PRKAR2A: variants seen among roughly 807,000 people sequenced by gnomAD.
PRKAR2A encodes the protein cAMP-dependent protein kinase type II-alpha regulatory subunit.
A neutral mutation model predicts 51.9 loss-of-function variants in PRKAR2A; 29 were observed. The observed-to-expected ratio is 0.56, with a 90% CI of 0.42 to 0.76. The LOEUF (loss-of-function observed/expected upper bound fraction) is 0.76, where lower values mean the gene tolerates loss of function less well. PRKAR2A is among the 30% of genes least tolerant of loss of function. The pLI is 0.00. For synonymous variants in PRKAR2A, 178 were observed against 186.2 expected, an observed-to-expected ratio of 0.96 and a Z score of 0.36; for missense variants, 445 against 512.1, an observed-to-expected ratio of 0.87 and a Z score of 1.26.
intron 5 of PRKAR2A, among the ~76,000 whole-genome samples, chr3:48,778,821 A>AT (rs759904828): frequency 0.03 from 2,595 of 86,330 alleles, 120 homozygotes; most frequent in African/African-American, 0.073. Flanking sequence ...CTCGGCCTGC[A>AT]TTTTTTTTTT....
chr3:48,794,418 A>G (rs555950062), intron 2 of PRKAR2A, among the ~76,000 whole-genome samples: 1 of 151,458 alleles, frequency 6.6e-6, no homozygotes, highest in South Asian at 2.1e-4. Context: ...CACCTGATGT[A>G]TAATATAAAT....
At chr3:48,764,012 T>C (rs906574047) in intron 8 of PRKAR2A, among the ~76,000 whole-genome samples, 1 of 152,180 alleles carries the variant, frequency 6.6e-6, no homozygotes, top group African/African-American at 2.4e-5. Context: ...CCTTGTGTTC[T>C]AGTGGGGCCA....
At position 48,785,258 on chromosome 3, in the gene PRKAR2A, A is replaced by ATTTTTTTT. The variant is rs1198962303; in HGVS notation, c.436-2174_436-2167dup. Among the ~76,000 whole-genome samples, 12 of 123,888 alleles carry ATTTTTTTT rather than the reference A, an allele frequency of 9.7e-5. No individual in the cohort carries two copies. The East Asian group carries it at 1.6e-3, about 17-fold the overall frequency. The allele number at this position is 123,888 out of a possible 152,430, so 81.3% of individuals were successfully genotyped here. A position where few individuals can be genotyped will look rare whatever the true frequency, so the allele number is the denominator to read the frequency against. On this transcript the variant is annotated intron_variant, in intron 4 of 10. Coordinates refer to ENST00000265563, the MANE Select transcript of PRKAR2A (RefSeq NM_004157.4). ...AGGCGCATGCCACCAGGCCTGGATA[A>ATTTTTTTT]TTTTTTTTTTTTTTTTTTTTGAGAC... is the stretch of plus-strand genomic sequence containing the variant.
At position 48,785,354 on chromosome 3, in the gene PRKAR2A, G is replaced by A. The variant is rs367790247; in HGVS notation, c.436-2262C>T. Among the ~76,000 whole-genome samples the A allele has an allele frequency of 2.5e-4, 38 of 150,154 alleles. No homozygotes were observed. In the East Asian group the frequency reaches 5.7e-3, roughly 23 times the overall value. Reference sequence around the variant, plus strand: ...CGGCTCACTGCAACCTCTGCCTCCCGGGCTCAAGCAATTCTCCTGCCTCAG... The same window carrying A: ...CGGCTCACTGCAACCTCTGCCTCCCAGGCTCAAGCAATTCTCCTGCCTCAG... On this transcript the variant is annotated intron_variant, in intron 4 of 10. Transcript: ENST00000265563.
At chr3:48,829,649 T>C (rs1371968587) in intron 1 of PRKAR2A, among the ~76,000 whole-genome samples, 2 of 142,540 alleles carry the variant, frequency 1.4e-5, no homozygotes, top group African/African-American at 5.1e-5. Flanking sequence ...TAAATGTGTG[T>C]GTGTATACGT....
In PRKAR2A at chr3:48,747,183, A is replaced by ACT. The variant is rs897183065; in HGVS notation, c.*4401_*4402insAG. The ACT allele has an allele frequency of 1.3e-5, 2 of 151,984 alleles. No individual in the cohort carries two copies. The highest frequency in any genetic ancestry group is 4.8e-5 in the African/African-American group (2 of 41,388). The allele number at this position is 151,984 out of a possible 1,614,324, so 9.4% of individuals were successfully genotyped here. On this transcript the variant is annotated 3_prime_UTR_variant, in exon 11 of 11. Transcript: ENST00000265563. ...CAGCAGTCAAGACAGGAGGAACAAG[A>ACT]GGTCATTGTAGTGAAAAACCAAAAC...
rs1277585553 is a variant in PRKAR2A, at chr3:48,783,029, T to C, written c.499A>G (p.Ile167Val). 3.7e-6 allele frequency: 6 copies of C among 1,613,836 alleles called. No individual in the cohort carries two copies. In the South Asian group the frequency reaches 4.4e-5, roughly 12 times the overall value. The change falls in exon 5 of 11, where the codon ATT (isoleucine) becomes GTT (valine). Residue 167 changes from isoleucine to valine, a missense_variant. Ile to Val is a conservative substitution (Grantham distance 29). Coordinates refer to ENST00000265563, the MANE Select transcript of PRKAR2A (RefSeq NM_004157.4). The part of the protein sequence containing the change: ...ERIVKADEHV[I>V]DQGDDGDNFY... Reference sequence around the variant, plus strand: ...TTGTCTCCATCATCTCCTTGGTCAATGACATGCTCATCAGCTTTGACTATC... The same window carrying C: ...TTGTCTCCATCATCTCCTTGGTCAACGACATGCTCATCAGCTTTGACTATC...
intron 2 of PRKAR2A, among the ~76,000 whole-genome samples, chr3:48,796,285 T>A (rs2082489853): frequency 6.6e-6 from 1 of 152,174 alleles, no homozygotes; most frequent in African/African-American, 2.4e-5. Flanking sequence ...TTGTAAGGAT[T>A]CAAGTAGACA....
rs972979038 is a variant in PRKAR2A at position 48,780,597 on chromosome 3, C to T, written c.542+2389G>A. Among the ~76,000 whole-genome samples the T allele has an allele frequency of 9.4e-5, 13 of 137,950 alleles. 1 individual carries two copies. Among genetic ancestry groups the T allele is most frequent in the Middle Eastern group, 3.8e-3 (1 of 260 alleles). The allele number at this position is 137,950 out of a possible 152,430, so 90.5% of individuals were successfully genotyped here. ...CAGCCTGAGCGACAGAGCAAGACTC[C>T]GTCTCAAAAAAAAAAAAAAAAAAAA... On this transcript the variant is annotated intron_variant, in intron 5 of 10. Coordinates refer to ENST00000265563, the MANE Select transcript of PRKAR2A (RefSeq NM_004157.4).
At chr3:48,764,499 G>C (rs905436701) in intron 8 of PRKAR2A, among the ~76,000 whole-genome samples, 3 of 152,140 alleles carry the variant, frequency 2.0e-5, no homozygotes, top group African/African-American at 7.2e-5. Flanking sequence ...AAGGTGAGAG[G>C]AAGCAAGAGA....
chr3:48,793,659 A>AT (rs1424331053), intron 3 of PRKAR2A, among the ~76,000 whole-genome samples: 1 of 150,908 alleles, frequency 6.6e-6, no homozygotes, highest in Non-Finnish European at 1.5e-5. Context: ...AAACCAGCTA[A>AT]TTTTTTTTTC....
At chr3:48,761,621 A>T (rs531462073) in intron 8 of PRKAR2A, among the ~76,000 whole-genome samples, 2 of 151,964 alleles carry the variant, frequency 1.3e-5, no homozygotes, top group Non-Finnish European at 2.9e-5. Context: ...TTATTTATTT[A>T]TTTTTTTTGA....
intron 3 of PRKAR2A, among the ~76,000 whole-genome samples, chr3:48,793,395 A>C (rs560633117): frequency 6.6e-6 from 1 of 152,268 alleles, no homozygotes; most frequent in East Asian, 1.9e-4. Context: ...GGTAAATGCT[A>C]AATCAGTTGG....
At chr3:48,799,656 C>A (rs985058230) in intron 2 of PRKAR2A, among the ~76,000 whole-genome samples, 1 of 152,104 alleles carries the variant, frequency 6.6e-6, no homozygotes, top group African/African-American at 2.4e-5. Flanking sequence ...CTGAAGAGCA[C>A]CTGCAATGCA....
chr3:48,847,715 A>C lies in PRKAR2A; in HGVS notation c.-119T>G, dbSNP rs1575972594. The C allele has an allele frequency of 8.7e-6, 9 of 1,035,392 alleles. No individual in the cohort carries two copies. Among genetic ancestry groups the C allele is most frequent in the African/African-American group, 8.5e-5 (5 of 58,866 alleles). The allele number at this position is 1,035,392 out of a possible 1,614,324, so 64.1% of individuals were successfully genotyped here. On this transcript the variant is annotated 5_prime_UTR_variant, in exon 1 of 11. Coordinates refer to ENST00000265563, the MANE Select transcript of PRKAR2A (RefSeq NM_004157.4). The surrounding 1 kb of genome is among the most constrained non-coding windows in gnomAD (Gnocchi z 4.4). ...GTCTCTTCGCGCACGGCCCCGGCTC[A>C]CGTCGCGCCGCTCTTTGGCCGGCTC...
In PRKAR2A at chr3:48,750,344, C is replaced by G. The variant is rs2107183793; in HGVS notation, c.*1241G>C. 6.6e-6 allele frequency: 1 copy of G among 152,616 alleles called. No individual in the cohort carries two copies. The allele number at this position is 152,616 out of a possible 1,614,324, so 9.5% of individuals were successfully genotyped here. On this transcript the variant is annotated 3_prime_UTR_variant, in exon 11 of 11. Transcript: ENST00000265563. Reference sequence around the variant, plus strand: ...CACCATTGCACTCCAGCCTGGGCAACAAGAGCGAAACTCCGTCTCAAAAAG... The same window carrying G: ...CACCATTGCACTCCAGCCTGGGCAAGAAGAGCGAAACTCCGTCTCAAAAAG...
At chr3:48,746,032 G>GT (rs1274299431), downstream of PRKAR2A, among the ~76,000 whole-genome samples, 1 of 152,028 alleles carries the variant, frequency 6.6e-6, no homozygotes, top group East Asian at 1.9e-4. Flanking sequence ...TGAAACACTG[G>GT]TTCTTCCTGG....
At chr3:48,813,656 T>G (rs2082819580) in intron 1 of PRKAR2A, among the ~76,000 whole-genome samples, 1 of 152,070 alleles carries the variant, frequency 6.6e-6, no homozygotes, top group Non-Finnish European at 1.5e-5. Context: ...ATTGTGCCAC[T>G]GCACTCCAGC....
At chr3:48,746,449 C>T (rs2081563238), downstream of PRKAR2A, 1 of 151,908 alleles carries the variant, frequency 6.6e-6, no homozygotes, top group South Asian at 2.1e-4. Flanking sequence ...TACAAGGGGT[C>T]CCTAATTTTC....
Sources: allele counts gnomAD v4.1 joint callset (sites outside exome capture counted in the v4.1 genomes callset), GRCh38; gene constraint gnomAD v4.1.1; non-coding constraint Gnocchi (gnomAD v3.1); transcripts MANE v1.5; gene names NCBI Gene and HGNC (gene_info 2026-07-23, HGNC 2026-07-21).